ZDHHC14: variants seen among roughly 807,000 people sequenced by gnomAD.
The protein encoded by ZDHHC14 is palmitoyltransferase ZDHHC14.
Under a neutral mutation model 47.7 loss-of-function variants are expected in ZDHHC14, and 16 were observed. The ratio of observed to expected loss-of-function variants is 0.34; its 90% CI spans 0.23 to 0.51. The LOEUF (loss-of-function observed/expected upper bound fraction) is 0.51, where lower values mean the gene tolerates loss of function less well. Among genes scored for constraint, ZDHHC14 ranks in the 20% least tolerant of loss-of-function variants. The pLI is 0.97. For synonymous variants in ZDHHC14, 293 were observed against 278.9 expected (o/e 1.05, Z -0.50); for missense variants, 515 against 662.5 (o/e 0.78, Z 2.44).
intron 1 of ZDHHC14, among the ~76,000 whole-genome samples, chr6:157,535,653 C>T (rs146488172): frequency 4.1e-4 from 63 of 152,266 alleles, no homozygotes; most frequent in African/African-American, 1.3e-3. Context: ...CTCTGTGCGT[C>T]TGGGGTAATT....
chr6:157,590,108 T>C (rs1472415727), intron 2 of ZDHHC14, among the ~76,000 whole-genome samples: 1 of 152,076 alleles, frequency 6.6e-6, no homozygotes, highest in Non-Finnish European at 1.5e-5. Flanking sequence ...GTGGAAGAAA[T>C]TTCTAAGCAG....
intron 1 of ZDHHC14, among the ~76,000 whole-genome samples, chr6:157,537,547 C>T (rs968234669): frequency 5.9e-5 from 9 of 152,172 alleles, no homozygotes; most frequent in Non-Finnish European, 1.0e-4. Flanking sequence ...TTATTTTTCC[C>T]CCTGTCACTT....
chr6:157,459,836 A>T (rs1051172285), intron 1 of ZDHHC14, among the ~76,000 whole-genome samples: 3 of 152,154 alleles, frequency 2.0e-5, no homozygotes, highest in Non-Finnish European at 2.9e-5. Context: ...GCACTGTAGG[A>T]TGCCAAGACA....
intron 1 of ZDHHC14, among the ~76,000 whole-genome samples, chr6:157,422,010 G>C (rs1355844785): frequency 6.6e-6 from 1 of 152,284 alleles, no homozygotes; most frequent in East Asian, 1.9e-4. Flanking sequence ...ACGATTCTGA[G>C]GGGCAGGCGA....
intron 8 of ZDHHC14, among the ~76,000 whole-genome samples, chr6:157,660,815 T>A (rs1233752417): frequency 6.6e-6 from 1 of 152,256 alleles, no homozygotes; most frequent in Non-Finnish European, 1.5e-5. Flanking sequence ...TGGAATGATT[T>A]TGAGCCATTA....
At chr6:157,619,055 C>T (rs1263314129) in intron 3 of ZDHHC14, among the ~76,000 whole-genome samples, 1 of 152,084 alleles carries the variant, frequency 6.6e-6, no homozygotes, top group Non-Finnish European at 1.5e-5. Flanking sequence ...AGAATGCCGG[C>T]CTCTGCAGTG....
At chr6:157,631,254 T>G (rs1260726413) in intron 4 of ZDHHC14, 1 of 111,368 alleles carries the variant, frequency 9.0e-6, no homozygotes, top group East Asian at 4.6e-4. Flanking sequence ...TTAGCTCCTC[T>G]AAGGTTTTAC....
At chr6:157,394,133 C>T (rs111229500) in intron 1 of ZDHHC14, among the ~76,000 whole-genome samples, 1,575 of 152,284 alleles carry the variant, frequency 0.01, 30 homozygotes, top group African/African-American at 0.037. Context: ...GAACTGTGGC[C>T]TGGGAACATT....
intron 1 of ZDHHC14, among the ~76,000 whole-genome samples, chr6:157,460,251 T>C (rs1012811167): frequency 6.7e-6 from 1 of 149,142 alleles, no homozygotes; most frequent in Non-Finnish European, 1.5e-5. Context: ...TGTAAAAAAT[T>C]AGCCAAGCAT....
chr6:157,675,075 A>G lies in ZDHHC14; in HGVS notation c.*1953A>G, dbSNP rs889975315. 6.6e-6 allele frequency: 1 copy of G among 152,202 alleles called. No individual in the cohort carries two copies. Among genetic ancestry groups the G allele is most frequent in the African/African-American group, 2.4e-5 (1 of 41,410 alleles). 9.4% of individuals were successfully genotyped at this position (152,202 alleles called of 1,614,324 possible). ...ACAAAGGAGCTTCCACAACTTCCCA[A>G]ACCGTCTCTGCTCCTTGCTTTCTTC... On this transcript the variant is annotated 3_prime_UTR_variant, in exon 9 of 9. Transcript: ENST00000359775.
At chr6:157,524,442 A>AT (rs969844331) in intron 1 of ZDHHC14, among the ~76,000 whole-genome samples, 1 of 151,938 alleles carries the variant, frequency 6.6e-6, no homozygotes, top group Non-Finnish European at 1.5e-5. Flanking sequence ...CATATTTGCA[A>AT]TTTTTTTTAA....
At chr6:157,515,299 C>G (rs1016914815) in intron 1 of ZDHHC14, among the ~76,000 whole-genome samples, 1 of 152,122 alleles carries the variant, frequency 6.6e-6, no homozygotes, top group Non-Finnish European at 1.5e-5. Flanking sequence ...TTTCCCTCTC[C>G]GAATCTTTTC....
In ZDHHC14 at chr6:157,677,266, C is replaced by T. The variant is rs1318544282; in HGVS notation, c.*4144C>T. On this transcript the variant is annotated 3_prime_UTR_variant, in exon 9 of 9. Coordinates refer to ENST00000359775, the MANE Select transcript of ZDHHC14 (RefSeq NM_024630.3). ...AAAAAAAAAAAAAAAAAAAAACTGC[C>T]TCTCATTTGTTCCCTTAAAACGTCT... 1 of 149,710 alleles carries T rather than the reference C, an allele frequency of 6.7e-6. No homozygotes were observed. Among genetic ancestry groups the T allele is most frequent in the Non-Finnish European group, 1.5e-5 (1 of 67,612 alleles). The allele number at this position is 149,710 out of a possible 1,614,324, so 9.3% of individuals were successfully genotyped here.
chr6:157,418,086 G>A (rs544963636), intron 1 of ZDHHC14, among the ~76,000 whole-genome samples: 1 of 152,266 alleles, frequency 6.6e-6, no homozygotes, highest in African/African-American at 2.4e-5. Flanking sequence ...TCCCAGGATG[G>A]CTGCACTGAC....
At chr6:157,643,204 G>C (rs1004416425) in intron 5 of ZDHHC14, among the ~76,000 whole-genome samples, 1 of 152,194 alleles carries the variant, frequency 6.6e-6, no homozygotes, top group Non-Finnish European at 1.5e-5. Context: ...GGTTCCTTGA[G>C]ACCTCCTGAG....
rs560462503 is a variant in ZDHHC14 at position 157,496,956 on chromosome 6, A to C, written c.246-45629A>C. On this transcript the variant is annotated intron_variant, in intron 1 of 8. Coordinates refer to ENST00000359775, the MANE Select transcript of ZDHHC14 (RefSeq NM_024630.3). ...CTCTGCTTTTCCTGTGAACACAGTC[A>C]CATGAAATATTGTGTGTGGGTAGAG... Among the ~76,000 whole-genome samples, 155 of 152,264 alleles carry C rather than the reference A, an allele frequency of 1.0e-3. 1 individual carries two copies. Among genetic ancestry groups the C allele is most frequent in the Middle Eastern group, 3.4e-3 (1 of 294 alleles).
intron 5 of ZDHHC14, among the ~76,000 whole-genome samples, chr6:157,641,613 A>C (rs1383003496): frequency 1.3e-5 from 2 of 152,134 alleles, no homozygotes; most frequent in African/African-American, 4.8e-5. Flanking sequence ...ATAATCTCTT[A>C]AGCATCCTTT....
In ZDHHC14 at chr6:157,579,190, G is replaced by GGT. The variant is rs1344124667; in HGVS notation, c.407-13798_407-13797insGT. Among the ~76,000 whole-genome samples, 21 of 63,948 alleles carry GGT rather than the reference G, an allele frequency of 3.3e-4. 1 individual carries two copies. The highest frequency in any genetic ancestry group is 5.4e-4 in the Non-Finnish European group (18 of 33,354). The allele number at this position is 63,948 out of a possible 152,430, so 42.0% of individuals were successfully genotyped here. On this transcript the variant is annotated intron_variant, in intron 2 of 8. Transcript: ENST00000359775. ...GCCATTTTAATGATATTGATTCTGT[G>GGT]TTTTTTTTTTTTTTTTTTTTTTTTT... is the stretch of plus-strand genomic sequence containing the variant.
intron 3 of ZDHHC14, among the ~76,000 whole-genome samples, chr6:157,613,694 C>T (rs774427819): frequency 2.6e-5 from 4 of 152,160 alleles, no homozygotes; most frequent in Non-Finnish European, 4.4e-5. Flanking sequence ...GCAGCCCATC[C>T]ATCTCATCAT....
Sources: allele counts gnomAD v4.1 joint callset (sites outside exome capture counted in the v4.1 genomes callset), GRCh38; gene constraint gnomAD v4.1.1; transcripts MANE v1.5; gene names NCBI Gene and HGNC (gene_info 2026-07-23, HGNC 2026-07-21).